CCSER1: variants seen among roughly 807,000 people sequenced by gnomAD.
CCSER1 encodes the protein serine-rich coiled-coil domain-containing protein 1.
A neutral mutation model predicts 82.0 loss-of-function variants in CCSER1; 41 were observed. The ratio of observed to expected loss-of-function variants is 0.50; its 90% CI spans 0.39 to 0.65. The LOEUF (loss-of-function observed/expected upper bound fraction) is 0.65. Ranked by LOEUF, CCSER1 falls within the 30% of genes least tolerant of loss-of-function variation. CCSER1 has a pLI of 0.00. For missense variants in CCSER1, 1,119 were observed against 1,064.2 expected, an observed-to-expected ratio of 1.05 and a Z score of -0.72; for synonymous variants, 414 against 383.9, an observed-to-expected ratio of 1.08 and a Z score of -0.92.
chr4:91,148,655 C>G (rs1160317690), intron 10 of CCSER1, among the ~76,000 whole-genome samples: 1 of 152,126 alleles, frequency 6.6e-6, no homozygotes, highest in Non-Finnish European at 1.5e-5. Flanking sequence ...CCATGACAGG[C>G]CCCGGTGTGT....
At chr4:90,855,952 G>T (rs7438231) in intron 8 of CCSER1, among the ~76,000 whole-genome samples, 12,340 of 151,710 alleles carry the variant, frequency 0.081, 1,172 homozygotes, top group African/African-American at 0.23. Flanking sequence ...TTTTTTTTCA[G>T]CAACTAATTT....
intron 10 of CCSER1, among the ~76,000 whole-genome samples, chr4:91,592,350 T>C (rs1764308221): frequency 6.6e-6 from 1 of 152,062 alleles, no homozygotes; most frequent in Non-Finnish European, 1.5e-5. Context: ...CCATGACATG[T>C]GGGGATTACG....
rs929367504 is a variant in CCSER1, at chr4:90,939,578, G to A, written c.2172+16131G>A. ...CTCAATGTTGTGGTCAGGGTTCAGG[G>A]CAATAGAAATGCCATAGAGCCAAGA... On this transcript the variant is annotated intron_variant, in intron 9 of 10. Transcript: ENST00000509176. Among the ~76,000 whole-genome samples the A allele has an allele frequency of 3.3e-5, 5 of 152,288 alleles. No homozygotes were observed. In the East Asian group the frequency reaches 7.7e-4, roughly 24 times the overall value.
intron 4 of CCSER1, among the ~76,000 whole-genome samples, chr4:90,411,443 T>A (rs995787536): frequency 1.3e-5 from 2 of 152,196 alleles, no homozygotes; most frequent in Non-Finnish European, 1.5e-5. Flanking sequence ...ATGGGCTTCA[T>A]CCCTGGGATG....
At chr4:91,397,604 AT>A (rs1333336889) in intron 10 of CCSER1, among the ~76,000 whole-genome samples, 2 of 151,994 alleles carry the variant, frequency 1.3e-5, no homozygotes, top group Non-Finnish European at 2.9e-5. Flanking sequence ...AGGTATCATG[AT>A]TATTTATTGA....
chr4:90,367,764 G>C (rs1226649168), intron 3 of CCSER1, among the ~76,000 whole-genome samples: 1 of 151,846 alleles, frequency 6.6e-6, no homozygotes, highest in East Asian at 1.9e-4. Flanking sequence ...CAGTCCGGTT[G>C]AATGCAGAGG....
intron 7 of CCSER1, among the ~76,000 whole-genome samples, chr4:90,757,887 T>C (rs911411511): frequency 3.3e-5 from 5 of 151,962 alleles, no homozygotes; most frequent in African/African-American, 1.2e-4. Flanking sequence ...AAGCTCAAAG[T>C]GGGGACTGAA....
chr4:90,404,737 G>A (rs1256429996), intron 4 of CCSER1, among the ~76,000 whole-genome samples: 1 of 152,192 alleles, frequency 6.6e-6, no homozygotes, highest in East Asian at 1.9e-4. Context: ...TAGCTCTGCT[G>A]GTTGGCTAGA....
chr4:90,322,950 T>G (rs2153488546), intron 3 of CCSER1, among the ~76,000 whole-genome samples: 1 of 152,196 alleles, frequency 6.6e-6, no homozygotes, highest in South Asian at 2.1e-4. Context: ...TTACGCAAGG[T>G]CCAAATGTTC....
At chr4:91,210,527 G>T (rs1383585392) in intron 10 of CCSER1, among the ~76,000 whole-genome samples, 5 of 150,896 alleles carry the variant, frequency 3.3e-5, no homozygotes, top group African/African-American at 1.2e-4. Flanking sequence ...CTGGATGCAG[G>T]TGACAGTACA....
chr4:91,555,134 T>C lies in CCSER1; in HGVS notation c.2218-43438T>C, dbSNP rs1283034348. Among the ~76,000 whole-genome samples the C allele has an allele frequency of 1.3e-5, 2 of 151,174 alleles. 1 individual carries two copies. Among genetic ancestry groups the C allele is most frequent in the African/African-American group, 4.9e-5 (2 of 41,166 alleles). On this transcript the variant is annotated intron_variant, in intron 10 of 10. Transcript: ENST00000509176. ...TCTTGCCATTGGTCTGCAAAATGAT[T>C]TTTTTTCAATATGACCCAGAGCACA...
At chr4:90,477,868 A>G (rs1271418887) in intron 5 of CCSER1, among the ~76,000 whole-genome samples, 1 of 152,128 alleles carries the variant, frequency 6.6e-6, no homozygotes. Flanking sequence ...AGATATGAAT[A>G]GAGCATATTT....
At chr4:90,729,021 G>C (rs755439101) in intron 7 of CCSER1, among the ~76,000 whole-genome samples, 1 of 152,152 alleles carries the variant, frequency 6.6e-6, no homozygotes, top group Non-Finnish European at 1.5e-5. Flanking sequence ...TGTCTGGGAG[G>C]ATCAAACCCC....
chr4:90,389,310 G>A (rs1750594458), intron 3 of CCSER1, among the ~76,000 whole-genome samples: 1 of 152,092 alleles, frequency 6.6e-6, no homozygotes, highest in African/African-American at 2.4e-5. Context: ...AGCATTACTC[G>A]GAAATGCTAA....
chr4:90,602,831 T>A (rs1784190059), intron 5 of CCSER1, among the ~76,000 whole-genome samples: 2 of 152,176 alleles, frequency 1.3e-5, no homozygotes, highest in Admixed American at 1.3e-4. Context: ...AGGAGACTGA[T>A]AACAAACCTT....
chr4:91,086,573 T>A (rs1723422220), intron 10 of CCSER1, among the ~76,000 whole-genome samples: 1 of 152,074 alleles, frequency 6.6e-6, no homozygotes, highest in Non-Finnish European at 1.5e-5. Context: ...TGCTGGGAGT[T>A]GTGGGAAGGG....
intron 4 of CCSER1, among the ~76,000 whole-genome samples, chr4:90,402,539 G>A (rs534780100): frequency 1.7e-4 from 26 of 152,082 alleles, no homozygotes; most frequent in African/African-American, 5.5e-4. Context: ...TGTCAAAGCC[G>A]GGCAAGAGTT....
At chr4:90,246,150 C>T (rs1443905261) in intron 1 of CCSER1, among the ~76,000 whole-genome samples, 3 of 152,068 alleles carry the variant, frequency 2.0e-5, no homozygotes, top group Non-Finnish European at 2.9e-5. Context: ...TTTATAGTTA[C>T]ATTTCACACA....
chr4:90,157,375 T>C (rs533016829), intron 1 of CCSER1, among the ~76,000 whole-genome samples: 36 of 152,324 alleles, frequency 2.4e-4, no homozygotes, highest in African/African-American at 8.2e-4. Context: ...TCTCGAGTAG[T>C]AGCTTTGTGG....
Sources: allele counts gnomAD v4.1 joint callset (sites outside exome capture counted in the v4.1 genomes callset), GRCh38; gene constraint gnomAD v4.1.1; transcripts MANE v1.5; gene names NCBI Gene and HGNC (gene_info 2026-07-23, HGNC 2026-07-21).